Variants in MARCHF1 observed in about 807,000 individuals in gnomAD.
The protein encoded by MARCHF1 is E3 ubiquitin-protein ligase MARCHF1.
Under a neutral mutation model 54.2 loss-of-function variants are expected in MARCHF1, and 40 were observed. The observed-to-expected ratio is 0.74, with a 90% confidence interval of 0.57 to 0.96. MARCHF1 has a LOEUF of 0.96. Ranked by LOEUF, MARCHF1 falls within the 40% of genes least tolerant of loss-of-function variation. The pLI, the probability that MARCHF1 is intolerant of heterozygous loss-of-function variation, is 0.00. For synonymous variants in MARCHF1, 236 were observed against 236.3 expected (o/e 1.00, Z 0.01); for missense variants, 586 against 656.5 (o/e 0.89, Z 1.17).
At chr4:163,836,214 A>AATTTATTT (rs66939546) in intron 4 of MARCHF1, among the ~76,000 whole-genome samples, 35 of 137,976 alleles carry the variant, frequency 2.5e-4, no homozygotes, top group Non-Finnish European at 3.7e-4. Context: ...TGGTAGTTGC[A>AATTTATTT]ATTTATTTAT....
chr4:164,226,975 AG>A (rs1467110212), intron 1 of MARCHF1, among the ~76,000 whole-genome samples: 1 of 152,106 alleles, frequency 6.6e-6, no homozygotes, highest in African/African-American at 2.4e-5. Flanking sequence ...TAGAGATTTG[AG>A]GGTGGTTTTT....
intron 4 of MARCHF1, among the ~76,000 whole-genome samples, chr4:163,735,962 T>C (rs948794135): frequency 7.9e-5 from 12 of 152,252 alleles, no homozygotes; most frequent in African/African-American, 2.6e-4. Flanking sequence ...TTTTCTCCTA[T>C]ATGTACATAT....
chr4:163,613,842 C>T (rs1425107716), intron 5 of MARCHF1, among the ~76,000 whole-genome samples: 1 of 152,048 alleles, frequency 6.6e-6, no homozygotes, highest in Non-Finnish European at 1.5e-5. Context: ...ATCAAGGCCC[C>T]ATGAGATATT....
chr4:163,585,834 T>C lies in MARCHF1; in HGVS notation c.1106A>G (p.Gln369Arg). 1 of 1,614,014 alleles carries C rather than the reference T, an allele frequency of 6.2e-7. No homozygotes were observed. The highest frequency in any genetic ancestry group is 1.1e-5 in the South Asian group (1 of 91,076). Reference protein sequence around the residue: ...LRFVHQSCLHQWIKSSDTRCC... With the variant: ...LRFVHQSCLHRWIKSSDTRCC... ...GCGTGTATCTGAGCTCTTTATCCAC[T>C]GGTGGAGGCAGGACTGGTGGACAAA... Residue 369 changes from glutamine to arginine, a missense_variant, in exon 8 of 10, where the codon CAG (glutamine) becomes CGG (arginine). Transcript: ENST00000514618.
chr4:163,991,873 C>T (rs1484481803), intron 2 of MARCHF1, among the ~76,000 whole-genome samples: 1 of 152,076 alleles, frequency 6.6e-6, no homozygotes, highest in Admixed American at 6.6e-5. Flanking sequence ...CTCATTCCCA[C>T]CTCTGGCTCC....
chr4:164,103,102 C>A (rs1396055550), intron 2 of MARCHF1, among the ~76,000 whole-genome samples: 1 of 53,938 alleles, frequency 1.9e-5, no homozygotes, highest in Non-Finnish European at 4.4e-5. Context: ...CAGGAGCACC[C>A]AGATTCATAA....
intron 2 of MARCHF1, among the ~76,000 whole-genome samples, chr4:164,000,641 G>T (rs938790476): frequency 1.3e-4 from 20 of 151,550 alleles, no homozygotes; most frequent in Non-Finnish European, 2.4e-4. Flanking sequence ...CACTGTGGAG[G>T]TTACATTAAA....
At chr4:164,277,945 T>C (rs1443592708) in intron 1 of MARCHF1, among the ~76,000 whole-genome samples, 2 of 152,190 alleles carry the variant, frequency 1.3e-5, no homozygotes, top group Non-Finnish European at 2.9e-5. Context: ...TGGTGGTCCA[T>C]TCATGTTTGC....
intron 1 of MARCHF1, among the ~76,000 whole-genome samples, chr4:164,203,878 G>A (rs868184850): frequency 6.6e-6 from 1 of 152,082 alleles, no homozygotes; most frequent in Non-Finnish European, 1.5e-5. Flanking sequence ...AAGTAACTGG[G>A]TTACAATTGT....
At chr4:163,906,862 T>C (rs1751080434) in intron 3 of MARCHF1, among the ~76,000 whole-genome samples, 1 of 151,916 alleles carries the variant, frequency 6.6e-6, no homozygotes, top group Admixed American at 6.6e-5. Context: ...CACCATATTT[T>C]ATTCAGTACT....
At chr4:163,861,443 T>C (rs1314796093) in intron 3 of MARCHF1, among the ~76,000 whole-genome samples, 3 of 152,118 alleles carry the variant, frequency 2.0e-5, no homozygotes, top group Non-Finnish European at 2.9e-5. Flanking sequence ...TATACCTATA[T>C]ACAATCAATG....
At chr4:164,235,969 G>A (rs1732540683) in intron 1 of MARCHF1, among the ~76,000 whole-genome samples, 1 of 152,100 alleles carries the variant, frequency 6.6e-6, no homozygotes, top group Non-Finnish European at 1.5e-5. Flanking sequence ...TACACAAGGA[G>A]AGGCCGCATT....
chr4:164,161,181 G>GT (rs1185192758), intron 1 of MARCHF1, among the ~76,000 whole-genome samples: 1 of 152,042 alleles, frequency 6.6e-6, no homozygotes, highest in African/African-American at 2.4e-5. Context: ...CATCACCCTT[G>GT]GTTCTGTCCT....
Position 163,749,566 on chromosome 4 carries a change from GATGGTCTTTATCAA to G in MARCHF1, c.112-48717_112-48704del, listed in dbSNP as rs1746458907. Among the ~76,000 whole-genome samples the G allele has an allele frequency of 2.0e-5, 3 of 152,200 alleles. No individual in the cohort carries two copies. In the South Asian group the frequency reaches 6.2e-4, roughly 32 times the overall value. The stretch of plus-strand genomic sequence containing the variant: ...ACAACATCAGCTGTAACTATTTGTA[GATGGTCTTTATCAA>G]ATTGGGGGAATATCTCTTTTCTATT... On this transcript the variant is annotated intron_variant, in intron 4 of 9. Coordinates refer to ENST00000514618, the MANE Select transcript of MARCHF1 (RefSeq NM_001394959.1).
At chr4:164,190,117 T>A (rs1731086138) in intron 1 of MARCHF1, 1 of 1,496,654 alleles carries the variant, frequency 6.7e-7, no homozygotes, top group Non-Finnish European at 9.2e-7. Context: ...AAAGAAAAGC[T>A]GGGAGGTAAA....
At chr4:163,754,587 T>A (rs1001078139) in intron 4 of MARCHF1, among the ~76,000 whole-genome samples, 2 of 152,126 alleles carry the variant, frequency 1.3e-5, no homozygotes, top group African/African-American at 2.4e-5. Flanking sequence ...ATTCTAGAGA[T>A]TTGTTGGGGA....
chr4:164,357,366 C>G (rs1483721333), intron 1 of MARCHF1, among the ~76,000 whole-genome samples: 1 of 152,084 alleles, frequency 6.6e-6, no homozygotes, highest in Non-Finnish European at 1.5e-5. Context: ...GTCTTTCTGC[C>G]ATCACATCTC....
chr4:163,899,870 C>T (rs1238327036), intron 3 of MARCHF1, among the ~76,000 whole-genome samples: 1 of 142,728 alleles, frequency 7.0e-6, no homozygotes, highest in Non-Finnish European at 1.6e-5. Flanking sequence ...CAAGCTATGC[C>T]TTTCTTTTTC....
At chr4:164,069,698 T>A (rs1477627183) in intron 2 of MARCHF1, among the ~76,000 whole-genome samples, 1 of 152,038 alleles carries the variant, frequency 6.6e-6, no homozygotes, top group Non-Finnish European at 1.5e-5. Context: ...ACCGCGAGGG[T>A]CCATGGCTTC....
Sources: allele counts gnomAD v4.1 joint callset (sites outside exome capture counted in the v4.1 genomes callset), GRCh38; gene constraint gnomAD v4.1.1; transcripts MANE v1.5; gene names NCBI Gene and HGNC (gene_info 2026-07-23, HGNC 2026-07-21).